The following PEX14 variants were observed in gnomAD, a reference collection of about 807,000 sequenced individuals.
The protein encoded by PEX14 is peroxisomal biogenesis factor 14.
In PEX14, 15 loss-of-function variants were observed where a neutral mutation model predicts 49.5. The ratio of observed to expected loss-of-function variants is 0.30; its 90% CI spans 0.20 to 0.47. PEX14 has a LOEUF of 0.47. Among genes scored for constraint, PEX14 ranks in the 20% least tolerant of loss-of-function variants. PEX14 has a pLI of 1.00. For synonymous variants in PEX14, 210 were observed against 212.7 expected, an observed-to-expected ratio of 0.99 and a Z score of 0.11; for missense variants, 398 against 494.8, an observed-to-expected ratio of 0.80 and a Z score of 1.86.
At chr1:10,561,817 TA>T (rs1197193870) in intron 3 of PEX14, among the ~76,000 whole-genome samples, 1 of 152,240 alleles carries the variant, frequency 6.6e-6, no homozygotes, top group African/African-American at 2.4e-5. Context: ...TATTACCTAT[TA>T]TTTTTCTGTA....
chr1:10,481,668 C>T (rs866882201), intron 1 of PEX14, among the ~76,000 whole-genome samples: 6 of 151,980 alleles, frequency 3.9e-5, no homozygotes, highest in African/African-American at 7.2e-5. Flanking sequence ...AACTCCTGAC[C>T]TCAAGTGAGC....
chr1:10,575,074 TAAA>T (rs142120114), intron 3 of PEX14, among the ~76,000 whole-genome samples: 1 of 123,394 alleles, frequency 8.1e-6, no homozygotes, highest in Non-Finnish European at 1.7e-5. Flanking sequence ...GTCTCTTAAA[TAAA>T]AAAAAAAAAG....
In PEX14 at chr1:10,573,838, C is replaced by T. The variant is rs745377247; in HGVS notation, c.170-25400C>T. ...AGCCAAGGCTGGGTGCGGTAGCTCA[C>T]GCCTGTAATCCCAGCACTTTGGGAG... On this transcript the variant is annotated intron_variant, in intron 3 of 8. Transcript: ENST00000356607. Among the ~76,000 whole-genome samples, 8 of 152,194 alleles carry T rather than the reference C, an allele frequency of 5.3e-5. 1 individual carries two copies. Among genetic ancestry groups the T allele is most frequent in the Admixed American group, 2.0e-4 (3 of 15,282 alleles).
intron 2 of PEX14, among the ~76,000 whole-genome samples, chr1:10,503,152 G>T (rs538327107): frequency 6.6e-6 from 1 of 151,626 alleles, no homozygotes; most frequent in South Asian, 2.1e-4. Flanking sequence ...AGAGGGAAAA[G>T]TTCTGTTTCC....
rs111893174 is a variant in PEX14, at chr1:10,510,987, T to C, written c.84+15666T>C. Among the ~76,000 whole-genome samples, 1,125 of 152,312 alleles carry C rather than the reference T, an allele frequency of 7.4e-3. 14 individuals are homozygous for C. The highest frequency in any genetic ancestry group is 0.026 in the African/African-American group (1,060 of 41,562). On this transcript the variant is annotated intron_variant, in intron 2 of 8. Transcript: ENST00000356607. ...TGACAGTCTTTATTTGCAATGACAC[T>C]GGGACCAGTAAAGACAATGCTCACT...
intron 2 of PEX14, chr1:10,535,860 GAC>G (rs1195388505): frequency 7.2e-5 from 26 of 362,156 alleles, no homozygotes; most frequent in African/African-American, 2.1e-5. Flanking sequence ...CTTCCAGAAA[GAC>G]AGCATACAGG....
intron 3 of PEX14, among the ~76,000 whole-genome samples, chr1:10,565,763 C>G (rs892543420): frequency 5.3e-5 from 8 of 152,174 alleles, no homozygotes; most frequent in Admixed American, 2.0e-4. Context: ...CCTGTAATCC[C>G]AGCTACTTGG....
rs765529756 is a variant in PEX14 at position 10,630,005 on chromosome 1, C to T, written c.*18C>T. 6.2e-7 allele frequency: 1 copy of T among 1,606,522 alleles called. No individual in the cohort carries two copies. On this transcript the variant is annotated 3_prime_UTR_variant, in exon 9 of 9. Coordinates refer to ENST00000356607, the MANE Select transcript of PEX14 (RefSeq NM_004565.3). The surrounding 1 kb of genome is among the most constrained non-coding windows in gnomAD (Gnocchi z 4.1). ...GGGACTAGGGCTGCGCCTGCTGCCT[C>T]CAGCCCTGAGGATGGCATCTAGTGT...
At chr1:10,546,594 C>T (rs564849761) in intron 3 of PEX14, among the ~76,000 whole-genome samples, 1 of 125,186 alleles carries the variant, frequency 8.0e-6, no homozygotes, top group African/African-American at 3.1e-5. Context: ...AGGCTAGGTG[C>T]GGTGGCTCAC....
intron 4 of PEX14, among the ~76,000 whole-genome samples, chr1:10,610,905 C>A (rs1296419249): frequency 6.6e-6 from 1 of 152,118 alleles, no homozygotes; most frequent in Non-Finnish European, 1.5e-5. Context: ...CCTCCTTCTT[C>A]CTCTTCCTGT....
Position 10,630,110 on chromosome 1 carries a change from C to T in PEX14, c.*123C>T, listed in dbSNP as rs980724703. On this transcript the variant is annotated 3_prime_UTR_variant, in exon 9 of 9. Coordinates refer to ENST00000356607, the MANE Select transcript of PEX14 (RefSeq NM_004565.3). The surrounding 1 kb of genome is among the most constrained non-coding windows in gnomAD (Gnocchi z 4.1). ...AGCCCAGGTAGGGGGCAGAGCTGTCCTCAGCTGCACTGCGGCCTGGTGGCA... is the reference window on the plus strand; with the variant it reads ...AGCCCAGGTAGGGGGCAGAGCTGTCTTCAGCTGCACTGCGGCCTGGTGGCA... 4 of 1,436,752 alleles carry T rather than the reference C, an allele frequency of 2.8e-6. No homozygotes were observed. The highest frequency in any genetic ancestry group is 2.8e-5 in the African/African-American group (2 of 71,026). 89.0% of individuals were successfully genotyped at this position (1,436,752 alleles called of 1,614,324 possible). A position where few individuals can be genotyped will look rare whatever the true frequency, so the allele number is the denominator to read the frequency against.
At chr1:10,475,768 G>T (rs1206489883) in intron 1 of PEX14, among the ~76,000 whole-genome samples, 1 of 152,330 alleles carries the variant, frequency 6.6e-6, no homozygotes, top group East Asian at 1.9e-4. Flanking sequence ...TAGTCCAAAG[G>T]TGGGGTAGGG....
In PEX14 at chr1:10,561,220, C is replaced by A. The variant is rs149318748; in HGVS notation, c.169+24923C>A. ...CATAGAAGAAAATTAACACTAATTC[C>A]ATAAGATCATCTGCTATATATCCCA... On this transcript the variant is annotated intron_variant, in intron 3 of 8. Transcript: ENST00000356607. Among the ~76,000 whole-genome samples, 927 of 152,300 alleles carry A rather than the reference C, an allele frequency of 6.1e-3. 8 individuals carry two copies. Among genetic ancestry groups the A allele is most frequent in the African/African-American group, 0.021 (876 of 41,586 alleles).
chr1:10,620,260 G>A (rs1641549811), intron 5 of PEX14, among the ~76,000 whole-genome samples: 1 of 151,420 alleles, frequency 6.6e-6, no homozygotes, highest in South Asian at 2.1e-4. Flanking sequence ...TATTAGCCTG[G>A]CCAACATGGT....
chr1:10,498,636 A>T (rs1641611983), intron 2 of PEX14, among the ~76,000 whole-genome samples: 1 of 152,140 alleles, frequency 6.6e-6, no homozygotes, highest in Admixed American at 6.5e-5. Flanking sequence ...CTGGCCTCCA[A>T]ATCAAACCAA....
intron 2 of PEX14, among the ~76,000 whole-genome samples, chr1:10,497,378 C>T (rs911938815): frequency 2.0e-5 from 3 of 152,190 alleles, no homozygotes; most frequent in Non-Finnish European, 4.4e-5. Context: ...ACACAGCAGT[C>T]AGCCCTTCCA....
chr1:10,547,909 C>A (rs771380247), intron 3 of PEX14, among the ~76,000 whole-genome samples: 1 of 152,048 alleles, frequency 6.6e-6, no homozygotes. Flanking sequence ...CACTGGCTTT[C>A]GAGATGATTT....
At chr1:10,573,940 A>G (rs1389461611) in intron 3 of PEX14, among the ~76,000 whole-genome samples, 2 of 152,196 alleles carry the variant, frequency 1.3e-5, no homozygotes, top group Non-Finnish European at 2.9e-5. Flanking sequence ...ATCTCTACTA[A>G]AAGTACAAAA....
chr1:10,583,829 C>G (rs1640402001), intron 3 of PEX14, among the ~76,000 whole-genome samples: 1 of 152,008 alleles, frequency 6.6e-6, no homozygotes, highest in South Asian at 2.1e-4. Context: ...AAGGGAATGA[C>G]CGATGCAGAA....
Sources: allele counts gnomAD v4.1 joint callset (sites outside exome capture counted in the v4.1 genomes callset), GRCh38; gene constraint gnomAD v4.1.1; non-coding constraint Gnocchi (gnomAD v3.1); transcripts MANE v1.5; gene names NCBI Gene and HGNC (gene_info 2026-07-23, HGNC 2026-07-21).